The following EEA1 variants were observed in gnomAD, a reference collection of about 807,000 sequenced individuals.
The protein encoded by EEA1 is early endosome antigen 1, also known as early endosome antigen 1, 162kD.
A neutral mutation model predicts 209.2 loss-of-function variants in EEA1; 111 were observed. The ratio of observed to expected loss-of-function variants is 0.53; its 90% confidence interval spans 0.45 to 0.62. The LOEUF is 0.62. EEA1 is among the 20% of genes least tolerant of loss of function. EEA1 has a pLI of 0.00. For synonymous variants in EEA1, 536 were observed against 540.6 expected, an observed-to-expected ratio of 0.99 and a Z score of 0.12; for missense variants, 1,343 against 1,530.8, an observed-to-expected ratio of 0.88 and a Z score of 2.05.
intron 10 of EEA1, among the ~76,000 whole-genome samples, chr12:92,836,985 G>A (rs1876955312): frequency 6.6e-6 from 1 of 152,002 alleles, no homozygotes; most frequent in East Asian, 1.9e-4. Context: ...GCCAGGCGTG[G>A]TGGTGCGTAC....
chr12:92,835,511 ACACC>A, intron 10 of EEA1: 3 of 219,008 alleles, frequency 1.4e-5, no homozygotes, highest in Non-Finnish European at 2.6e-5. Flanking sequence ...TCCCGGGTTC[ACACC>A]ATTCTCTTGC....
At chr12:92,821,334 G>A (rs567354905) in intron 13 of EEA1, among the ~76,000 whole-genome samples, 6 of 152,118 alleles carry the variant, frequency 3.9e-5, no homozygotes, top group Non-Finnish European at 7.4e-5. Flanking sequence ...CAATGTCAGA[G>A]ACGTCAATTT....
At chr12:92,897,857 T>C (rs1359961835) in intron 1 of EEA1, among the ~76,000 whole-genome samples, 1 of 152,194 alleles carries the variant, frequency 6.6e-6, no homozygotes, top group Non-Finnish European at 1.5e-5. Flanking sequence ...GCTCAAACGA[T>C]TGTTGGCATT....
rs1876713592 is a variant in EEA1 at position 92,832,684 on chromosome 12, T to C, written c.1082A>G (p.His361Arg). 6.2e-7 allele frequency: 1 copy of C among 1,614,050 alleles called. No individual in the cohort carries two copies. Among genetic ancestry groups the C allele is most frequent in the Non-Finnish European group, 8.5e-7 (1 of 1,179,982 alleles). ...SRLSASETSL[H>R]RIHVELSEKG... Reference sequence around the variant, plus strand: ...TTCACTTAGTTCTACATGTATTCTATGCAGTGAGGTTTCAGATGCAGACAA... The same window carrying C: ...TTCACTTAGTTCTACATGTATTCTACGCAGTGAGGTTTCAGATGCAGACAA... The change falls in exon 11 of 29, where the codon CAT becomes CGT. Residue 361 changes from histidine (H) to arginine (R), a missense_variant. His to Arg is a conservative substitution (Grantham distance 29). Coordinates refer to ENST00000322349, the MANE Select transcript of EEA1 (RefSeq NM_003566.4).
At chr12:92,785,018 A>AT (rs1874066870) in intron 22 of EEA1, among the ~76,000 whole-genome samples, 1 of 82,342 alleles carries the variant, frequency 1.2e-5, no homozygotes, top group Non-Finnish European at 2.5e-5. Context: ...AAGTTTTCCC[A>AT]TACTTTCTTA....
chr12:92,877,638 C>T (rs1878968365), intron 2 of EEA1, among the ~76,000 whole-genome samples: 1 of 152,052 alleles, frequency 6.6e-6, no homozygotes, highest in South Asian at 2.1e-4. Context: ...AAGTGATTCT[C>T]CTGCTTCAGC....
chr12:92,859,212 A>C, intron 3 of EEA1: 2 of 1,613,296 alleles, frequency 1.2e-6, no homozygotes, highest in Non-Finnish European at 1.7e-6. Context: ...AGAGGACTGC[A>C]GCCTATGGCC....
At position 92,772,651 on chromosome 12, in the gene EEA1, T is replaced by A. The variant is rs1316482402; in HGVS notation, c.*3360A>T. 6.6e-6 allele frequency: 1 copy of A among 152,316 alleles called. No individual in the cohort carries two copies. The highest frequency in any genetic ancestry group is 1.5e-5 in the Non-Finnish European group (1 of 67,792). The allele number at this position is 152,316 out of a possible 1,614,324, so 9.4% of individuals were successfully genotyped here. A position where few individuals can be genotyped will look rare whatever the true frequency, so the allele number is the denominator to read the frequency against. On this transcript the variant is annotated 3_prime_UTR_variant, in exon 29 of 29. Coordinates refer to ENST00000322349, the MANE Select transcript of EEA1 (RefSeq NM_003566.4). ...CAGTTACATTTATAATTAATAACCT[T>A]CCAATCACTGAGTTTAGAAATTGCA...
chr12:92,872,798 C>CA (rs1878712431), intron 2 of EEA1, among the ~76,000 whole-genome samples: 1 of 151,974 alleles, frequency 6.6e-6, no homozygotes, highest in Non-Finnish European at 1.5e-5. Flanking sequence ...CCTAAAAATA[C>CA]AAAAATTAGC....
chr12:92,813,161 C>A, intron 15 of EEA1, 68 bp from the exon 16 acceptor site: 1 of 976,784 alleles, frequency 1.0e-6, no homozygotes, highest in Non-Finnish European at 1.5e-6. Flanking sequence ...TGAACGCACA[C>A]TCCTTTTGTG....
At chr12:92,801,520 A>C (rs1174707753) in intron 20 of EEA1, 80 bp downstream of exon 20, 2 of 949,066 alleles carry the variant, frequency 2.1e-6, no homozygotes, top group African/African-American at 3.5e-5. Flanking sequence ...CCAAGAACAA[A>C]CATGCTTTAT....
chr12:92,910,052 A>T (rs1880520038), intron 1 of EEA1, among the ~76,000 whole-genome samples: 1 of 152,218 alleles, frequency 6.6e-6, no homozygotes, highest in African/African-American at 2.4e-5. Flanking sequence ...CTGAGGCAGA[A>T]GAATCACTTG....
chr12:92,805,408 T>G (rs1216657408), intron 18 of EEA1, among the ~76,000 whole-genome samples: 3 of 152,098 alleles, frequency 2.0e-5, no homozygotes, highest in Non-Finnish European at 4.4e-5. Context: ...AATCATCAAC[T>G]CTGATGGGTT....
chr12:92,826,148 A>G lies in EEA1; in HGVS notation c.1524+18T>C. The G allele has an allele frequency of 6.2e-7, 1 of 1,611,560 alleles. No homozygotes were observed. Among genetic ancestry groups the G allele is most frequent in the African/African-American group, 1.3e-5 (1 of 74,950 alleles). ...ATTAATTTGTGTTTACAAGGCTAAT[A>G]ACGCAACTAATGTTTACCTGAGCTT... On this transcript the variant is annotated intron_variant, in intron 13 of 28. Transcript: ENST00000322349.
intron 2 of EEA1, among the ~76,000 whole-genome samples, chr12:92,870,261 A>G (rs1207456481): frequency 6.6e-6 from 1 of 152,194 alleles, no homozygotes; most frequent in African/African-American, 2.4e-5. Flanking sequence ...AGAAAAAAGT[A>G]ATTTTTGGTC....
chr12:92,772,079 T>A lies in EEA1; in HGVS notation c.*3932A>T, dbSNP rs1873453565. Reference sequence around the variant, plus strand: ...CAGAACAAAAACCATTCTAGAACCGTGGCTCCCAGGAAGAAAAAATAGCAA... The same window carrying A: ...CAGAACAAAAACCATTCTAGAACCGAGGCTCCCAGGAAGAAAAAATAGCAA... On this transcript the variant is annotated 3_prime_UTR_variant, in exon 29 of 29. Coordinates refer to ENST00000322349, the MANE Select transcript of EEA1 (RefSeq NM_003566.4). 6.6e-6 allele frequency: 1 copy of A among 151,714 alleles called. No homozygotes were observed. The highest frequency in any genetic ancestry group is 1.5e-5 in the Non-Finnish European group (1 of 67,834). 9.4% of individuals were successfully genotyped at this position (151,714 alleles called of 1,614,324 possible). A position where few individuals can be genotyped will look rare whatever the true frequency, so the allele number is the denominator to read the frequency against.
intron 5 of EEA1, 47 bp from the exon 6 acceptor site, chr12:92,854,001 T>C (rs1565836363): frequency 6.9e-7 from 1 of 1,441,714 alleles, no homozygotes. Flanking sequence ...AAGGAAAAGA[T>C]AATACTGTTA....
chr12:92,832,793 G>A lies in EEA1; in HGVS notation c.973C>T (p.His325Tyr). Residue 325 changes from histidine to tyrosine, a missense_variant, in exon 11 of 29, where the codon CAT becomes TAT. His to Tyr is a moderately conservative substitution (Grantham distance 83). This residue lies in a region of EEA1 where 1,307 missense variants were observed against 1,465.5 expected (regional missense o/e 0.89). Transcript: ENST00000322349. Reference sequence around the variant, plus strand: ...TTTTTACTCACAGATTCTTCATTATGTTTCTCCTCTAACTTAGTATAGTCT... The same window carrying A: ...TTTTTACTCACAGATTCTTCATTATATTTCTCCTCTAACTTAGTATAGTCT... The part of the protein sequence containing the change: ...EQDYTKLEEK[H>Y]NEESVSKKNI... 6.2e-7 allele frequency: 1 copy of A among 1,613,666 alleles called. No individual in the cohort carries two copies.
chr12:92,790,112 A>C (rs988443023), intron 21 of EEA1, among the ~76,000 whole-genome samples: 9 of 152,244 alleles, frequency 5.9e-5, no homozygotes, highest in African/African-American at 2.2e-4. Context: ...ATCTACACCA[A>C]AACTCCACCT....
Sources: allele counts gnomAD v4.1 joint callset (sites outside exome capture counted in the v4.1 genomes callset), GRCh38; gene constraint gnomAD v4.1.1; regional missense constraint gnomAD v4.1.1; transcripts MANE v1.5; gene names NCBI Gene and HGNC (gene_info 2026-07-23, HGNC 2026-07-21).